The following SDK1 variants were observed in gnomAD, a reference collection of about 807,000 sequenced individuals.
SDK1 encodes the protein sidekick cell adhesion molecule 1, also known as protein sidekick-1.
A neutral mutation model predicts 245.5 loss-of-function variants in SDK1; 157 were observed. The observed-to-expected ratio is 0.64, with a 90% CI of 0.56 to 0.73. The LOEUF (loss-of-function observed/expected upper bound fraction) is 0.73. SDK1 is among the 30% of genes least tolerant of loss of function. The pLI is 0.00. For missense variants in SDK1, 3,583 were observed against 3,002.3 expected (o/e 1.19, Z -4.52); for synonymous variants, 1,647 against 1,278.5 (o/e 1.29, Z -6.15).
intron 5 of SDK1, among the ~76,000 whole-genome samples, chr7:3,879,587 C>G (rs1469640255): frequency 6.6e-6 from 1 of 152,214 alleles, no homozygotes; most frequent in Non-Finnish European, 1.5e-5. Flanking sequence ...CAGCCACGCT[C>G]CCGGTACTCA....
At chr7:3,995,589 G>A (rs181404387) in intron 14 of SDK1, among the ~76,000 whole-genome samples, 56 of 152,278 alleles carry the variant, frequency 3.7e-4, no homozygotes, top group African/African-American at 1.3e-3. Context: ...CTATCTAGAA[G>A]GCAATCATTT....
At chr7:3,577,489 C>T (rs183385592) in intron 1 of SDK1, among the ~76,000 whole-genome samples, 2 of 152,002 alleles carry the variant, frequency 1.3e-5, no homozygotes, top group Admixed American at 1.3e-4. Context: ...CAGGATGGCT[C>T]TTTTCATGCT....
chr7:4,174,986 G>A (rs986210610), intron 33 of SDK1, among the ~76,000 whole-genome samples: 3 of 152,206 alleles, frequency 2.0e-5, no homozygotes, highest in Admixed American at 6.5e-5. Flanking sequence ...TGACATCCTC[G>A]TGCCGGGGAC....
chr7:4,250,133 AT>A, intron 44 of SDK1, among the ~76,000 whole-genome samples: 1 of 152,316 alleles, frequency 6.6e-6, no homozygotes, highest in Middle Eastern at 3.4e-3. Flanking sequence ...TTTCATCTAA[AT>A]AAATCGTACA....
At chr7:3,794,784 G>T (rs893618101) in intron 4 of SDK1, among the ~76,000 whole-genome samples, 1 of 152,082 alleles carries the variant, frequency 6.6e-6, no homozygotes, top group African/African-American at 2.4e-5. Flanking sequence ...GATCAACACA[G>T]GATGCATCCA....
chr7:3,640,757 C>A (rs1478293621), intron 3 of SDK1, among the ~76,000 whole-genome samples: 1 of 151,874 alleles, frequency 6.6e-6, no homozygotes, highest in Non-Finnish European at 1.5e-5. Flanking sequence ...AATCTTGACT[C>A]ACCGCAACCT....
chr7:3,897,142 T>C (rs1311164297), intron 5 of SDK1, among the ~76,000 whole-genome samples: 1 of 152,120 alleles, frequency 6.6e-6, no homozygotes, highest in Non-Finnish European at 1.5e-5. Context: ...CCACAACACA[T>C]GGGGATTACA....
rs1333774097 is a variant in SDK1, at chr7:3,977,252, TGAGGCTGC to T, written c.1994+2716_1994+2723del. On this transcript the variant is annotated intron_variant, in intron 13 of 44. Coordinates refer to ENST00000404826, the MANE Select transcript of SDK1 (RefSeq NM_152744.4). The stretch of plus-strand genomic sequence containing the variant: ...AGAGAATCACTGAGGGTCCCGGGGC[TGAGGCTGC>T]GAGGCTGCCACACAGACGGTCCTCC... Among the ~76,000 whole-genome samples, 32 of 34,786 alleles carry T rather than the reference TGAGGCTGC, an allele frequency of 9.2e-4. 2 individuals are homozygous for T. The highest frequency in any genetic ancestry group is 3.5e-3 in the South Asian group (2 of 564). The allele number at this position is 34,786 out of a possible 152,430, so 22.8% of individuals were successfully genotyped here.
At chr7:3,346,092 G>A (rs1437524799) in intron 1 of SDK1, among the ~76,000 whole-genome samples, 3 of 152,172 alleles carry the variant, frequency 2.0e-5, no homozygotes, top group African/African-American at 7.2e-5. Context: ...TTTCCACATT[G>A]CAACTTGTGA....
intron 2 of SDK1, among the ~76,000 whole-genome samples, chr7:3,635,444 G>A (rs1782429236): frequency 6.6e-6 from 1 of 152,098 alleles, no homozygotes; most frequent in Admixed American, 6.5e-5. Flanking sequence ...TTGCCTAATT[G>A]TGCATACTTG....
At chr7:3,404,023 A>G (rs1778984249) in intron 1 of SDK1, among the ~76,000 whole-genome samples, 1 of 151,276 alleles carries the variant, frequency 6.6e-6, no homozygotes, top group Non-Finnish European at 1.5e-5. Context: ...TGTTTATGCT[A>G]TTTTGTAGTC....
At chr7:3,608,059 C>T (rs1324286583) in intron 1 of SDK1, among the ~76,000 whole-genome samples, 1 of 152,200 alleles carries the variant, frequency 6.6e-6, no homozygotes. Flanking sequence ...ACTTCTGGCA[C>T]CTGAGCGCGT....
intron 5 of SDK1, among the ~76,000 whole-genome samples, chr7:3,827,794 G>C (rs1191712614): frequency 6.6e-6 from 1 of 152,084 alleles, no homozygotes; most frequent in Non-Finnish European, 1.5e-5. Context: ...CCATGGCCAG[G>C]CCACATATTG....
intron 5 of SDK1, among the ~76,000 whole-genome samples, chr7:3,927,909 C>A (rs1203041611): frequency 1.3e-5 from 2 of 152,186 alleles, no homozygotes; most frequent in Non-Finnish European, 2.9e-5. Flanking sequence ...ATGACCCTTA[C>A]AAATGAGCAG....
At chr7:3,368,476 A>G (rs1218586585) in intron 1 of SDK1, among the ~76,000 whole-genome samples, 1 of 152,198 alleles carries the variant, frequency 6.6e-6, no homozygotes, top group Non-Finnish European at 1.5e-5. Context: ...AAGCAGAGCA[A>G]TCAGTATGGA....
chr7:3,834,068 A>G (rs114933934), intron 5 of SDK1, among the ~76,000 whole-genome samples: 3 of 152,200 alleles, frequency 2.0e-5, no homozygotes, highest in Non-Finnish European at 4.4e-5. Flanking sequence ...AACAGCTGGC[A>G]TACTGGCATC....
Position 3,779,180 on chromosome 7 carries a change from T to A in SDK1, c.714-42270T>A, listed in dbSNP as rs942680496. On this transcript the variant is annotated intron_variant, in intron 4 of 44. Coordinates refer to ENST00000404826, the MANE Select transcript of SDK1 (RefSeq NM_152744.4). ...AACACACTATCTTTAGGACTAGGTA[T>A]ACCATCTGGTCCAAGAAATTGTGAA... Among the ~76,000 whole-genome samples, 8 of 152,354 alleles carry A rather than the reference T, an allele frequency of 5.3e-5. No homozygotes were observed. In the South Asian group the frequency reaches 6.2e-4, roughly 12 times the overall value.
intron 4 of SDK1, among the ~76,000 whole-genome samples, chr7:3,695,271 A>G (rs1445045692): frequency 6.6e-6 from 1 of 152,238 alleles, no homozygotes; most frequent in Middle Eastern, 3.2e-3. Context: ...AGGATAGGAA[A>G]TGGATTCTGT....
At chr7:3,636,064 A>G (rs1031121431) in intron 2 of SDK1, among the ~76,000 whole-genome samples, 3 of 152,174 alleles carry the variant, frequency 2.0e-5, no homozygotes, top group Non-Finnish European at 4.4e-5. Context: ...TTTTAATACG[A>G]TCAACATAGA....
Sources: allele counts gnomAD v4.1 joint callset (sites outside exome capture counted in the v4.1 genomes callset), GRCh38; gene constraint gnomAD v4.1.1; transcripts MANE v1.5; gene names NCBI Gene and HGNC (gene_info 2026-07-23, HGNC 2026-07-21).